Variants in SEMA5B observed in about 807,000 individuals in gnomAD.
SEMA5B encodes semaphorin 5B, also known as semaphorin-5B.
A neutral mutation model predicts 135.0 loss-of-function variants in SEMA5B; 66 were observed. That is an observed-to-expected ratio of 0.49 (90% CI 0.40 to 0.60). The LOEUF (loss-of-function observed/expected upper bound fraction) is 0.60, where lower values mean the gene tolerates loss of function less well. Among genes scored for constraint, SEMA5B ranks in the 20% least tolerant of loss-of-function variants. The pLI, the probability that SEMA5B is intolerant of heterozygous loss-of-function variation, is 0.00. For missense variants in SEMA5B, 1,501 were observed against 1,566.3 expected, an observed-to-expected ratio of 0.96 and a Z score of 0.70; for synonymous variants, 690 against 639.5, an observed-to-expected ratio of 1.08 and a Z score of -1.19.
At chr3:122,935,558 C>A (rs1268247704) in intron 5 of SEMA5B, among the ~76,000 whole-genome samples, 1 of 152,070 alleles carries the variant, frequency 6.6e-6, no homozygotes, top group East Asian at 1.9e-4. Context: ...ATCCTTGTAC[C>A]TCATCCTCAC....
chr3:123,010,544 C>T (rs972550273), intron 1 of SEMA5B, among the ~76,000 whole-genome samples: 1 of 152,176 alleles, frequency 6.6e-6, no homozygotes, highest in Admixed American at 6.5e-5. Context: ...GACGCAGTGC[C>T]TCACACCTGC....
intron 9 of SEMA5B, among the ~76,000 whole-genome samples, chr3:122,924,534 G>C (rs1938528379): frequency 6.6e-6 from 1 of 152,138 alleles, no homozygotes; most frequent in East Asian, 1.9e-4. Context: ...CCTCCGAGCT[G>C]GTCGCTGGAC....
intron 2 of SEMA5B, among the ~76,000 whole-genome samples, chr3:122,956,730 T>C (rs1238394977): frequency 6.6e-6 from 1 of 152,080 alleles, no homozygotes; most frequent in Non-Finnish European, 1.5e-5. Context: ...GCTGAGTTGC[T>C]GGTACCATTC....
intron 1 of SEMA5B, among the ~76,000 whole-genome samples, chr3:123,011,537 T>C (rs949097020): frequency 6.6e-6 from 1 of 152,184 alleles, no homozygotes. Context: ...AGCTGGAAGG[T>C]GGGGTTTCCC....
At position 122,928,567 on chromosome 3, in the gene SEMA5B, C is replaced by A; in HGVS notation, c.586G>T (p.Val196Leu). The change falls in exon 7 of 23, where the codon GTG becomes TTG. Residue 196 changes from valine (V) to leucine (L), a missense_variant. Transcript: ENST00000357599. ...AAGGCATTGGTTCCACACATGAACA[C>A]CTTCCGGCCGGCGACGATCAGGACT... ...VRVLIVAGRK[V>L]FMCGTNAFSP... The A allele has an allele frequency of 6.4e-7, 1 of 1,565,486 alleles. No homozygotes were observed. Among genetic ancestry groups the A allele is most frequent in the South Asian group, 1.2e-5 (1 of 84,874 alleles).
intron 1 of SEMA5B, among the ~76,000 whole-genome samples, chr3:122,967,015 G>T (rs1430013065): frequency 6.6e-6 from 1 of 151,632 alleles, no homozygotes; most frequent in Non-Finnish European, 1.5e-5. Flanking sequence ...CTCCTGAGTA[G>T]CTGGGATTGC....
intron 1 of SEMA5B, among the ~76,000 whole-genome samples, chr3:123,009,897 A>G (rs1035990031): frequency 2.0e-5 from 3 of 152,176 alleles, no homozygotes; most frequent in Admixed American, 2.0e-4. Flanking sequence ...CACAAAGACA[A>G]ATGCTGCTCT....
intron 1 of SEMA5B, among the ~76,000 whole-genome samples, chr3:122,975,526 C>T (rs1219019291): frequency 1.3e-5 from 2 of 152,248 alleles, no homozygotes; most frequent in African/African-American, 4.8e-5. Context: ...TTTAGCCTCT[C>T]TGAGTCAGTT....
intron 1 of SEMA5B, among the ~76,000 whole-genome samples, chr3:122,982,087 C>G (rs1031063947): frequency 2.0e-5 from 3 of 152,098 alleles, no homozygotes; most frequent in African/African-American, 7.2e-5. Context: ...AGAGCAGAGA[C>G]CCACACTCCT....
At chr3:122,929,721 T>C (rs1236170966) in intron 5 of SEMA5B, among the ~76,000 whole-genome samples, 1 of 152,130 alleles carries the variant, frequency 6.6e-6, no homozygotes, top group Non-Finnish European at 1.5e-5. Context: ...ACCCCCACTG[T>C]CTGCACTTTC....
chr3:122,995,721 G>A (rs992734427), intron 1 of SEMA5B, among the ~76,000 whole-genome samples: 1 of 152,158 alleles, frequency 6.6e-6, no homozygotes, highest in Non-Finnish European at 1.5e-5. Context: ...TTGGGTTCTC[G>A]TCCCTATTCT....
Position 122,913,517 on chromosome 3 carries a change from A to G in SEMA5B, c.2280+17T>C. The G allele has an allele frequency of 1.2e-6, 2 of 1,605,254 alleles. No individual in the cohort carries two copies. The highest frequency in any genetic ancestry group is 1.7e-6 in the Non-Finnish European group (2 of 1,177,346). On this transcript the variant is annotated intron_variant, in intron 16 of 22. Coordinates refer to ENST00000357599, the MANE Select transcript of SEMA5B (RefSeq NM_001031702.4). ...GTACCCTACACCGCGCCCCTGGCCC[A>G]CGGCCCCAACCCTCACCACGCCGCA...
intron 2 of SEMA5B, among the ~76,000 whole-genome samples, chr3:122,959,227 C>T (rs1940470358): frequency 6.6e-6 from 1 of 152,116 alleles, no homozygotes; most frequent in Non-Finnish European, 1.5e-5. Flanking sequence ...AACAATAACC[C>T]CGTGAGGCGG....
chr3:122,959,383 A>C (rs941613851), intron 2 of SEMA5B, among the ~76,000 whole-genome samples: 2 of 152,182 alleles, frequency 1.3e-5, no homozygotes, highest in African/African-American at 4.8e-5. Flanking sequence ...ATGCCAGCAC[A>C]CCACACAGGA....
chr3:122,966,958 C>T (rs1940874957), intron 1 of SEMA5B, among the ~76,000 whole-genome samples: 1 of 150,708 alleles, frequency 6.6e-6, no homozygotes, highest in South Asian at 2.1e-4. Context: ...TATCTTGGCT[C>T]AACACAACCT....
chr3:122,999,756 T>A (rs1336109738), intron 1 of SEMA5B, among the ~76,000 whole-genome samples: 4 of 152,288 alleles, frequency 2.6e-5, no homozygotes, highest in African/African-American at 9.6e-5. Context: ...CGCTGATACT[T>A]GGTCCCAACT....
At chr3:123,008,599 G>C (rs555886504) in intron 1 of SEMA5B, among the ~76,000 whole-genome samples, 33 of 152,260 alleles carry the variant, frequency 2.2e-4, no homozygotes, top group Non-Finnish European at 1.2e-4. Context: ...GCTGGGGAAG[G>C]ACAGGGTTTT....
rs1347380918 is a variant in SEMA5B, at chr3:122,948,697, CAG to C, written c.135_136del (p.Cys46SerfsTer6). On this transcript the variant is annotated frameshift_variant, in exon 3 of 23. Transcript: ENST00000357599. LOFTEE classifies it high-confidence loss of function. ...TGCAGTCCTAGCTCCGGGAGGCAGA[CAG>C]GGGAGAAGACCTGCAACGTAAACAC... The C allele has an allele frequency of 1.2e-6, 2 of 1,601,922 alleles. No homozygotes were observed. Among genetic ancestry groups the C allele is most frequent in the South Asian group, 1.1e-5 (1 of 90,020 alleles).
intron 1 of SEMA5B, among the ~76,000 whole-genome samples, chr3:123,026,754 C>A (rs1299614009): frequency 6.6e-6 from 1 of 152,224 alleles, no homozygotes; most frequent in African/African-American, 2.4e-5. Context: ...GACAAATTAC[C>A]ATGAGAAACA....
Sources: gnomAD v4.1 joint callset for allele counts (sites outside exome capture counted in the v4.1 genomes callset) on GRCh38, gnomAD v4.1.1 for gene constraint, MANE v1.5 for transcripts, NCBI Gene and HGNC (gene_info 2026-07-23, HGNC 2026-07-21) for gene names.